Variants in CACNA1C observed in about 807,000 individuals in gnomAD.
CACNA1C encodes the protein calcium voltage-gated channel subunit alpha1 C, also known as voltage-dependent L-type calcium channel subunit alpha-1C.
CACNA1C carries 30 observed loss-of-function variants against 229.0 expected under a neutral mutation model. That is an observed-to-expected ratio of 0.13 (90% CI 0.10 to 0.18). The LOEUF (loss-of-function observed/expected upper bound fraction) is 0.18, where lower values mean the gene tolerates loss of function less well. Ranked by LOEUF, CACNA1C falls within the 10% of genes least tolerant of loss-of-function variation. The probability of loss-of-function intolerance (pLI) is 1.00; values close to 1 mark genes in which losing one functional copy is unlikely to be tolerated. For missense variants in CACNA1C, 1,658 were observed against 2,845.0 expected (o/e 0.58, Z 9.49); for synonymous variants, 1,114 against 1,132.5 (o/e 0.98, Z 0.33).
In CACNA1C at chr12:2,691,037, C is replaced by T. The variant is rs2097780726; in HGVS notation, c.6255C>T (p.Gly2085=). 6.2e-7 allele frequency: 1 copy of T among 1,600,586 alleles called. No individual in the cohort carries two copies. Residue 2085 remains glycine (G), a synonymous_variant, in exon 47 of 47, where the codon GGC becomes GGT. Coordinates refer to ENST00000399655, the MANE Select transcript of CACNA1C (RefSeq NM_000719.7). ...CGGCCGACAACATCCTCAGCGGGGGCGCCCCACAGAGCCCCAATGGCGCCC... is the reference window on the plus strand; with the variant it reads ...CGGCCGACAACATCCTCAGCGGGGGTGCCCCACAGAGCCCCAATGGCGCCC... The part of the protein sequence containing the change: ...ESAADNILSG[G]APQSPNGALL...
rs113809779 is a variant in CACNA1C at position 2,186,204 on chromosome 12, G to A, written c.477+65774G>A. On this transcript the variant is annotated intron_variant, in intron 3 of 46. Coordinates refer to ENST00000399655, the MANE Select transcript of CACNA1C (RefSeq NM_000719.7). The stretch of plus-strand genomic sequence containing the variant: ...GGTTGCAATAAAGGTCTCCCTTCCC[G>A]ACATGTGGCCAGCACAGAGCCTTCC... Among the ~76,000 whole-genome samples the A allele has an allele frequency of 5.4e-3, 828 of 152,316 alleles. 10 individuals are homozygous for A. Among genetic ancestry groups the A allele is most frequent in the South Asian group, 0.036 (175 of 4,824 alleles).
At chr12:2,458,410 G>A (rs1371105132) in intron 5 of CACNA1C, among the ~76,000 whole-genome samples, 1 of 152,232 alleles carries the variant, frequency 6.6e-6, no homozygotes, top group Non-Finnish European at 1.5e-5. Flanking sequence ...ACTGAACACA[G>A]TGGCTTCAGG....
In CACNA1C at chr12:1,971,194, T is replaced by C; in HGVS notation, c.132T>C (p.Ser44=). The change falls in exon 1 of 47, where the codon TCT becomes TCC. Residue 44 remains serine, a synonymous_variant. Transcript: ENST00000682462. This position sits in a 1 kb window ranked among gnomAD's most constrained non-coding sequence, Gnocchi z 4.2. ...CTCAACTCAACTATTTCTACATCTC[T>C]CCTGGAGGTAAGAAACCCTAAAGTG... is the stretch of plus-strand genomic sequence containing the variant. 1 of 1,287,498 alleles carries C rather than the reference T, an allele frequency of 7.8e-7. No individual in the cohort carries two copies. Among genetic ancestry groups the C allele is most frequent in the South Asian group, 1.2e-5 (1 of 80,904 alleles). The allele number at this position is 1,287,498 out of a possible 1,614,324, so 79.8% of individuals were successfully genotyped here.
At chr12:2,327,356 C>G (rs3819526) in intron 3 of CACNA1C, among the ~76,000 whole-genome samples, 1 of 152,000 alleles carries the variant, frequency 6.6e-6, no homozygotes, top group African/African-American at 2.4e-5. Context: ...CATCTACAGT[C>G]AAACAACAAA....
chr12:2,651,886 C>A lies in CACNA1C; in HGVS notation c.4074+118C>A. 1 of 784,312 alleles carries A rather than the reference C, an allele frequency of 1.3e-6. No homozygotes were observed. Among genetic ancestry groups the A allele is most frequent in the Non-Finnish European group, 2.0e-6 (1 of 508,010 alleles). 48.6% of individuals were successfully genotyped at this position (784,312 alleles called of 1,614,324 possible). ...GGGCCCTGCTCCTTCCTCTGTGTGG[C>A]AGAACTCGGCCGCTCTGCCTGGCTC... On this transcript the variant is annotated intron_variant, in intron 32 of 46. Coordinates refer to ENST00000399655, the MANE Select transcript of CACNA1C (RefSeq NM_000719.7). This position sits in a 1 kb window ranked among gnomAD's most constrained non-coding sequence, Gnocchi z 5.4.
chr12:2,036,366 A>T (rs1048994405), intron 1 of CACNA1C, among the ~76,000 whole-genome samples: 1 of 152,172 alleles, frequency 6.6e-6, no homozygotes, highest in African/African-American at 2.4e-5. Flanking sequence ...GAAAAGGGGA[A>T]TCAGGCTTTG....
At position 2,567,668 on chromosome 12, in the gene CACNA1C, G is replaced by T; in HGVS notation, c.1769G>T (p.Arg590Leu). The T allele has an allele frequency of 6.2e-7, 1 of 1,613,446 alleles. No individual in the cohort carries two copies. Among genetic ancestry groups the T allele is most frequent in the Non-Finnish European group, 8.5e-7 (1 of 1,179,666 alleles). The change falls in exon 13 of 47, where the codon CGC (arginine) becomes CTC (leucine). Residue 590 changes from arginine to leucine, a missense_variant. Coordinates refer to ENST00000399655, the MANE Select transcript of CACNA1C (RefSeq NM_000719.7). ...GCCTACTTCGTGTCCCTCTTCAACC[G>T]CTTTGACTGCTTCGTCGTGTGTGGC... ...LQAYFVSLFN[R>L]FDCFVVCGGI...
intron 3 of CACNA1C, among the ~76,000 whole-genome samples, chr12:2,433,441 G>A (rs1596115378): frequency 1.3e-5 from 2 of 149,232 alleles, no homozygotes; most frequent in African/African-American, 4.9e-5. Flanking sequence ...TTGATAAATA[G>A]CCCTTCTCTG....
intron 3 of CACNA1C, among the ~76,000 whole-genome samples, chr12:2,168,497 G>C (rs1566104611): frequency 6.6e-6 from 1 of 152,142 alleles, no homozygotes; most frequent in Non-Finnish European, 1.5e-5. Context: ...TGAAGCCCAG[G>C]CTTTAAAAAA....
chr12:2,113,619 G>A (rs2082624926), intron 1 of CACNA1C, among the ~76,000 whole-genome samples: 1 of 152,188 alleles, frequency 6.6e-6, no homozygotes, highest in Non-Finnish European at 1.5e-5. Flanking sequence ...CTGGGCAGCT[G>A]AAGTGTCCTC....
intron 1 of CACNA1C, among the ~76,000 whole-genome samples, chr12:2,013,226 A>G (rs1408491198): frequency 1.3e-5 from 2 of 152,180 alleles, no homozygotes; most frequent in Non-Finnish European, 2.9e-5. Context: ...GTAACCTGCT[A>G]GCGTTACTGT....
chr12:2,405,048 G>A (rs1021701644), intron 3 of CACNA1C, among the ~76,000 whole-genome samples: 27 of 152,186 alleles, frequency 1.8e-4, no homozygotes, highest in Non-Finnish European at 1.9e-4. Context: ...TGCTAGTTTA[G>A]ACTCCTTCGA....
chr12:2,584,134 G>A (rs1450624714), intron 15 of CACNA1C, among the ~76,000 whole-genome samples: 1 of 152,226 alleles, frequency 6.6e-6, no homozygotes, highest in Non-Finnish European at 1.5e-5. Flanking sequence ...CCGCTCTTAA[G>A]AGCGTTCTGC....
chr12:2,045,046 G>T (rs974936087), intron 1 of CACNA1C, among the ~76,000 whole-genome samples: 1 of 152,176 alleles, frequency 6.6e-6, no homozygotes, highest in Non-Finnish European at 1.5e-5. Context: ...ATTACAGATT[G>T]AATGCCAGCT....
chr12:2,203,213 G>A (rs1388777080), intron 3 of CACNA1C, among the ~76,000 whole-genome samples: 1 of 152,174 alleles, frequency 6.6e-6, no homozygotes, highest in Non-Finnish European at 1.5e-5. Flanking sequence ...TGAGAAGGTG[G>A]TGTAGGATGG....
In CACNA1C at chr12:2,184,200, G is replaced by A. The variant is rs199918224; in HGVS notation, c.477+63770G>A. 9.2e-5 allele frequency among the ~76,000 whole-genome samples: 14 copies of A among 152,360 alleles called. No homozygotes were observed. The East Asian group carries it at 2.1e-3, about 23-fold the overall frequency. On this transcript the variant is annotated intron_variant, in intron 3 of 46. Transcript: ENST00000399655. ...TGTTGAAAGCCGGCAGGAAGAGAATGCTGGCTCTGTGTTTAGCAGCCGAAG... is the reference window on the plus strand; with the variant it reads ...TGTTGAAAGCCGGCAGGAAGAGAATACTGGCTCTGTGTTTAGCAGCCGAAG...
At chr12:2,168,679 C>G (rs2096349591) in intron 3 of CACNA1C, among the ~76,000 whole-genome samples, 1 of 152,092 alleles carries the variant, frequency 6.6e-6, no homozygotes, top group Non-Finnish European at 1.5e-5. Flanking sequence ...CTTAAATGGC[C>G]TACTATTAAC....
At chr12:2,097,303 G>A (rs560484306) in intron 1 of CACNA1C, among the ~76,000 whole-genome samples, 36 of 151,988 alleles carry the variant, frequency 2.4e-4, no homozygotes, top group Admixed American at 1.0e-3. Flanking sequence ...CTGCCACCAC[G>A]CCCAGCTAAT....
intron 3 of CACNA1C, among the ~76,000 whole-genome samples, chr12:2,358,091 A>G (rs937530530): frequency 2.6e-5 from 4 of 152,174 alleles, no homozygotes; most frequent in African/African-American, 9.6e-5. Context: ...AAAGTTACTG[A>G]TGATTCCTTA....
Sources: gnomAD v4.1 joint callset for allele counts (sites outside exome capture counted in the v4.1 genomes callset) on GRCh38, gnomAD v4.1.1 for gene constraint, Gnocchi (gnomAD v3.1) non-coding constraint, MANE v1.5 for transcripts, NCBI Gene and HGNC (gene_info 2026-07-23, HGNC 2026-07-21) for gene names.